The following LHFPL2 variants were observed in gnomAD, a reference collection of about 807,000 sequenced individuals.
The protein encoded by LHFPL2 is LHFPL tetraspan subfamily member 2 protein.
In LHFPL2, 7 loss-of-function variants were observed where a neutral mutation model predicts 17.5. That is an observed-to-expected ratio of 0.40 (90% CI 0.23 to 0.75). The LOEUF (loss-of-function observed/expected upper bound fraction) is 0.75, where lower values mean the gene tolerates loss of function less well. Among genes scored for constraint, LHFPL2 ranks in the 30% least tolerant of loss-of-function variants. The pLI, the probability that LHFPL2 is intolerant of heterozygous loss-of-function variation, is 0.37. For synonymous variants in LHFPL2, 134 were observed against 116.2 expected (o/e 1.15, Z -0.99); for missense variants, 241 against 294.8 (o/e 0.82, Z 1.34).
intron 2 of LHFPL2, among the ~76,000 whole-genome samples, chr5:78,607,437 G>A (rs1375804574): frequency 6.6e-6 from 1 of 152,096 alleles, no homozygotes; most frequent in African/African-American, 2.4e-5. Context: ...TCTACCATAG[G>A]TTTGTATTTC....
chr5:78,541,918 AT>A (rs773896827), intron 3 of LHFPL2, among the ~76,000 whole-genome samples: 3 of 151,934 alleles, frequency 2.0e-5, no homozygotes, highest in Admixed American at 6.6e-5. Context: ...GTTAAGTTAC[AT>A]TTTTTTTATA....
intron 3 of LHFPL2, among the ~76,000 whole-genome samples, chr5:78,530,072 C>T (rs1580779648): frequency 6.6e-6 from 1 of 152,292 alleles, no homozygotes; most frequent in East Asian, 1.9e-4. Flanking sequence ...CCAAGTTAAG[C>T]CATAAGATCC....
chr5:78,617,928 C>T (rs868335597), intron 2 of LHFPL2, among the ~76,000 whole-genome samples: 3 of 152,086 alleles, frequency 2.0e-5, no homozygotes, highest in Non-Finnish European at 2.9e-5. Context: ...AGGGGCTGGG[C>T]GCGGTGGCTC....
rs1044910479 is a variant in LHFPL2 at position 78,485,832 on chromosome 5, A to G, written c.*3065T>C. On this transcript the variant is annotated 3_prime_UTR_variant, in exon 5 of 5. Coordinates refer to ENST00000380345, the MANE Select transcript of LHFPL2 (RefSeq NM_005779.3). The stretch of plus-strand genomic sequence containing the variant: ...CCTGGCGTGCGGGCTTAACTTTGAC[A>G]TAACACTAGCGATTATTTTAGACCC... The G allele has an allele frequency of 6.6e-6, 1 of 152,664 alleles. No individual in the cohort carries two copies. The highest frequency in any genetic ancestry group is 1.5e-5 in the Non-Finnish European group (1 of 68,040). The allele number at this position is 152,664 out of a possible 1,614,324, so 9.5% of individuals were successfully genotyped here.
At chr5:78,607,936 G>T (rs142282619) in intron 2 of LHFPL2, among the ~76,000 whole-genome samples, 135 of 152,258 alleles carry the variant, frequency 8.9e-4, no homozygotes, top group African/African-American at 3.2e-3. Flanking sequence ...GGCAGTAAAA[G>T]AACACACACT....
intron 2 of LHFPL2, among the ~76,000 whole-genome samples, chr5:78,579,840 G>A (rs1404523396): frequency 6.6e-6 from 1 of 152,068 alleles, no homozygotes; most frequent in Non-Finnish European, 1.5e-5. Context: ...ATGATTTATA[G>A]TCTTTTGGGT....
intron 3 of LHFPL2, among the ~76,000 whole-genome samples, chr5:78,539,104 G>A (rs888954078): frequency 6.6e-6 from 1 of 152,282 alleles, no homozygotes; most frequent in South Asian, 2.1e-4. Flanking sequence ...ATTAAGTCAT[G>A]AGAGTCCCAC....
At chr5:78,492,561 T>TG (rs1561303023) in intron 4 of LHFPL2, among the ~76,000 whole-genome samples, 4 of 152,230 alleles carry the variant, frequency 2.6e-5, no homozygotes, top group Non-Finnish European at 5.9e-5. Flanking sequence ...GGAGCATTAA[T>TG]TGCCCTGAGG....
intron 3 of LHFPL2, among the ~76,000 whole-genome samples, chr5:78,560,576 G>A (rs1411827630): frequency 6.6e-6 from 1 of 152,196 alleles, no homozygotes; most frequent in East Asian, 1.9e-4. Flanking sequence ...CCTAGGGAGT[G>A]GTTGTGAGGG....
At chr5:78,616,704 GCTCTCCT>G (rs1744627536) in intron 2 of LHFPL2, among the ~76,000 whole-genome samples, 1 of 152,108 alleles carries the variant, frequency 6.6e-6, no homozygotes, top group Non-Finnish European at 1.5e-5. Context: ...GAGAACTATT[GCTCTCCT>G]TGCAACACCT....
At chr5:78,521,375 CTTGTT>C (rs999044845) in intron 3 of LHFPL2, among the ~76,000 whole-genome samples, 19 of 152,320 alleles carry the variant, frequency 1.2e-4, no homozygotes, top group African/African-American at 4.6e-4. Context: ...AATAAAATGT[CTTGTT>C]TTGTTATCAA....
In LHFPL2 at chr5:78,510,275, G is replaced by A. The variant is rs1755073126; in HGVS notation, c.-62C>T. 4.1e-6 allele frequency: 6 copies of A among 1,464,816 alleles called. No homozygotes were observed. The African/African-American group carries it at 7.1e-5, about 17-fold the overall frequency. 90.7% of individuals were successfully genotyped at this position (1,464,816 alleles called of 1,614,324 possible). On this transcript the variant is annotated 5_prime_UTR_variant, in exon 4 of 5. An upstream open reading frame in the 5' UTR gains an earlier in-frame stop. Transcript: ENST00000380345. ...CGGAGTTAATCAAAACAAGAAAGTC[G>A]GTGGGGAAGGAGGCTCGGGCGGCCC...
At chr5:78,609,606 CAG>C (rs1282195361) in intron 2 of LHFPL2, among the ~76,000 whole-genome samples, 1 of 151,688 alleles carries the variant, frequency 6.6e-6, no homozygotes, top group East Asian at 1.9e-4. Context: ...GAAAAGAAAA[CAG>C]TGTTTTCTGA....
At chr5:78,623,662 TTTATAC>T (rs1380387434) in intron 2 of LHFPL2, among the ~76,000 whole-genome samples, 1 of 152,186 alleles carries the variant, frequency 6.6e-6, no homozygotes, top group Non-Finnish European at 1.5e-5. Flanking sequence ...CTCACTTTTG[TTTATAC>T]TTTCAAGAAT....
chr5:78,508,391 G>T (rs983580041), intron 4 of LHFPL2, among the ~76,000 whole-genome samples: 1 of 152,150 alleles, frequency 6.6e-6, no homozygotes, highest in African/African-American at 2.4e-5. Flanking sequence ...CTTTGGGCCA[G>T]AAAGTTTAAA....
intron 2 of LHFPL2, among the ~76,000 whole-genome samples, chr5:78,631,490 A>C (rs1396101143): frequency 3.9e-5 from 6 of 152,388 alleles, no homozygotes; most frequent in Admixed American, 2.0e-4. Flanking sequence ...ACTCACAGAC[A>C]AGAGGAAAAA....
chr5:78,645,676 G>A (rs555449995), intron 1 of LHFPL2, among the ~76,000 whole-genome samples: 3 of 152,070 alleles, frequency 2.0e-5, no homozygotes, highest in East Asian at 1.9e-4. Context: ...TCCGCCACCC[G>A]GGTTCAAGCG....
intron 3 of LHFPL2, among the ~76,000 whole-genome samples, chr5:78,533,708 C>T (rs935686201): frequency 6.6e-6 from 1 of 152,192 alleles, no homozygotes; most frequent in African/African-American, 2.4e-5. Context: ...ACCTCATCTG[C>T]AGGATCAGCT....
intron 3 of LHFPL2, among the ~76,000 whole-genome samples, chr5:78,555,883 G>A (rs368935309): frequency 1.1e-4 from 16 of 152,362 alleles, no homozygotes; most frequent in African/African-American, 3.4e-4. Context: ...GAAACATCAG[G>A]AGAGGAGAAG....
Sources: allele counts gnomAD v4.1 joint callset (sites outside exome capture counted in the v4.1 genomes callset), GRCh38; gene constraint gnomAD v4.1.1; transcripts MANE v1.5; gene names NCBI Gene and HGNC (gene_info 2026-07-23, HGNC 2026-07-21).